The following CMTM7 variants were observed in gnomAD, a reference collection of about 807,000 sequenced individuals.
The protein encoded by CMTM7 is CKLF like MARVEL transmembrane domain containing 7.
CMTM7 carries 7 observed loss-of-function variants against 19.3 expected under a neutral mutation model. The ratio of observed to expected loss-of-function variants is 0.36; its 90% CI spans 0.21 to 0.68. The LOEUF (loss-of-function observed/expected upper bound fraction) is 0.68. Among genes scored for constraint, CMTM7 ranks in the 30% least tolerant of loss-of-function variants. CMTM7 has a pLI of 0.60. For missense variants in CMTM7, 193 were observed against 232.6 expected, an observed-to-expected ratio of 0.83 and a Z score of 1.11; for synonymous variants, 87 against 99.3, an observed-to-expected ratio of 0.88 and a Z score of 0.74.
At chr3:32,448,146 G>A (rs968852635) in intron 2 of CMTM7, among the ~76,000 whole-genome samples, 4 of 152,146 alleles carry the variant, frequency 2.6e-5, no homozygotes, top group African/African-American at 4.8e-5. Context: ...ACACATTTTT[G>A]GCTGAGATAC....
chr3:32,404,142 C>CTTTTTT (rs11364371), intron 1 of CMTM7, among the ~76,000 whole-genome samples: 2 of 109,232 alleles, frequency 1.8e-5, no homozygotes, highest in African/African-American at 4.2e-5. Flanking sequence ...TTCTTTCTTT[C>CTTTTTT]TTTTTTTTTC....
intron 1 of CMTM7, among the ~76,000 whole-genome samples, chr3:32,393,792 G>C (rs1695875695): frequency 7.4e-6 from 1 of 134,434 alleles, no homozygotes; most frequent in African/African-American, 2.6e-5. Context: ...AAAAAAAAAA[G>C]GTACAAAGAA....
chr3:32,428,312 G>T (rs555476637), intron 1 of CMTM7, among the ~76,000 whole-genome samples: 5 of 152,200 alleles, frequency 3.3e-5, no homozygotes, highest in Non-Finnish European at 5.9e-5. Context: ...CAGCCTCAGA[G>T]TCCGACTCCT....
chr3:32,419,200 A>G (rs560090010), intron 1 of CMTM7, among the ~76,000 whole-genome samples: 2 of 152,330 alleles, frequency 1.3e-5, no homozygotes, highest in East Asian at 1.9e-4. Context: ...CATTGCTAAG[A>G]TATTGAAATG....
intron 1 of CMTM7, among the ~76,000 whole-genome samples, chr3:32,408,034 G>A (rs1333944732): frequency 6.6e-6 from 1 of 152,156 alleles, no homozygotes; most frequent in Non-Finnish European, 1.5e-5. Flanking sequence ...TGGATTATAT[G>A]GGTGGACCCT....
chr3:32,450,207 G>A (rs147668570), intron 3 of CMTM7, among the ~76,000 whole-genome samples: 2 of 152,070 alleles, frequency 1.3e-5, no homozygotes, highest in African/African-American at 2.4e-5. Flanking sequence ...TTATAGTTCA[G>A]TGGCCTGTGG....
At chr3:32,419,904 T>G (rs1379242939) in intron 1 of CMTM7, among the ~76,000 whole-genome samples, 1 of 152,344 alleles carries the variant, frequency 6.6e-6, no homozygotes, top group South Asian at 2.1e-4. Flanking sequence ...TTATTCTGAA[T>G]CCTGGTCTCT....
intron 1 of CMTM7, among the ~76,000 whole-genome samples, chr3:32,424,701 G>C (rs1479467582): frequency 1.3e-5 from 2 of 151,332 alleles, no homozygotes; most frequent in African/African-American, 2.4e-5. Context: ...CTGGAGTGCA[G>C]TGGCTTGATC....
chr3:32,436,274 G>A (rs73066773), intron 1 of CMTM7, among the ~76,000 whole-genome samples: 5,080 of 152,280 alleles, frequency 0.033, 123 homozygotes, highest in Non-Finnish European at 0.053. Flanking sequence ...GGAAGCCATG[G>A]GGCAGGTTTC....
At chr3:32,404,826 G>A (rs551116040) in intron 1 of CMTM7, among the ~76,000 whole-genome samples, 1 of 152,372 alleles carries the variant, frequency 6.6e-6, no homozygotes, top group African/African-American at 2.4e-5. Context: ...GTGAAGGGAT[G>A]TTACAGAAGC....
intron 1 of CMTM7, among the ~76,000 whole-genome samples, chr3:32,410,704 C>T (rs3853718): frequency 0.12 from 17,921 of 152,182 alleles, 1,120 homozygotes; most frequent in South Asian, 0.17. Context: ...CCACAGTTTG[C>T]GATAGAGATG....
chr3:32,450,692 C>T (rs1455835881), intron 3 of CMTM7, among the ~76,000 whole-genome samples: 2 of 152,182 alleles, frequency 1.3e-5, no homozygotes, highest in Non-Finnish European at 2.9e-5. Context: ...CCCCCTGAAG[C>T]TTAACACCTG....
At position 32,454,603 on chromosome 3, in the gene CMTM7, C is replaced by G. The variant is rs10165; in HGVS notation, c.*349C>G. On this transcript the variant is annotated 3_prime_UTR_variant, in exon 5 of 5. Transcript: ENST00000334983. ...TTTGTGAATACTCCCGCCTAAATCC[C>G]TTCTACTTCACTCCTCAGGGGAGTG... 9.6e-3 allele frequency: 4,505 copies of G among 466,928 alleles called. 38 individuals are homozygous for G. Among genetic ancestry groups the G allele is most frequent in the South Asian group, 0.012 (639 of 52,460 alleles). 28.9% of individuals were successfully genotyped at this position (466,928 alleles called of 1,614,324 possible).
At position 32,438,603 on chromosome 3, in the gene CMTM7, G is replaced by A. The variant is rs76308747; in HGVS notation, c.160-3237G>A. ...CACGCATAAGCACACACCATACTCTGGCTAAATTAGATTTTCTAAAATTGG... is the reference window on the plus strand; with the variant it reads ...CACGCATAAGCACACACCATACTCTAGCTAAATTAGATTTTCTAAAATTGG... On this transcript the variant is annotated intron_variant, in intron 1 of 4. Transcript: ENST00000334983. 4.2e-4 allele frequency among the ~76,000 whole-genome samples: 64 copies of A among 152,212 alleles called. No homozygotes were observed. In the East Asian group the frequency reaches 0.012, roughly 28 times the overall value.
chr3:32,405,489 A>C (rs965540208), intron 1 of CMTM7, among the ~76,000 whole-genome samples: 11 of 152,178 alleles, frequency 7.2e-5, no homozygotes, highest in Admixed American at 4.6e-4. Context: ...TGCTCTTGGC[A>C]TCCTGTGGCC....
chr3:32,429,375 C>A (rs918643335), intron 1 of CMTM7, among the ~76,000 whole-genome samples: 6 of 149,306 alleles, frequency 4.0e-5, no homozygotes, highest in Non-Finnish European at 8.9e-5. Flanking sequence ...CTCACTGAAA[C>A]CTCCACCTCC....
chr3:32,394,288 G>T (rs771595049), intron 1 of CMTM7, among the ~76,000 whole-genome samples: 1 of 151,428 alleles, frequency 6.6e-6, no homozygotes, highest in South Asian at 2.1e-4. Flanking sequence ...TTTAACATTG[G>T]GGAAGGGCAG....
intron 1 of CMTM7, among the ~76,000 whole-genome samples, chr3:32,397,489 C>T (rs966236790): frequency 3.3e-5 from 5 of 151,810 alleles, no homozygotes; most frequent in Admixed American, 3.3e-4. Context: ...AATCCCAGCA[C>T]TTTGGGAGGC....
At chr3:32,451,743 C>T (rs1559416359) in intron 3 of CMTM7, 4 of 224,938 alleles carry the variant, frequency 1.8e-5, no homozygotes, top group Non-Finnish European at 2.6e-5. Context: ...AGGCACTCTT[C>T]GTCTCCCAGC....
Sources: gnomAD v4.1 joint callset for allele counts (sites outside exome capture counted in the v4.1 genomes callset) on GRCh38, gnomAD v4.1.1 for gene constraint, MANE v1.5 for transcripts, NCBI Gene and HGNC (gene_info 2026-07-23, HGNC 2026-07-21) for gene names.